DAB1: variants seen among roughly 807,000 people sequenced by gnomAD.
DAB1 encodes disabled homolog 1.
A neutral mutation model predicts 64.6 loss-of-function variants in DAB1; 15 were observed. The observed-to-expected ratio is 0.23, with a 90% CI of 0.16 to 0.36. The LOEUF is 0.36. Ranked by LOEUF, DAB1 falls within the 10% of genes least tolerant of loss-of-function variation. The pLI is 1.00. For synonymous variants in DAB1, 235 were observed against 251.9 expected (o/e 0.93, Z 0.64); for missense variants, 596 against 706.7 (o/e 0.84, Z 1.78).
At chr1:57,696,282 A>T (rs1646844320) in intron 6 of DAB1, among the ~76,000 whole-genome samples, 1 of 152,086 alleles carries the variant, frequency 6.6e-6, no homozygotes, top group Non-Finnish European at 1.5e-5. Context: ...CTGAGATGGA[A>T]ATCTGCAAGC....
intron 6 of DAB1, among the ~76,000 whole-genome samples, chr1:57,755,651 G>A (rs938699774): frequency 7.9e-5 from 12 of 152,088 alleles, no homozygotes; most frequent in African/African-American, 2.4e-4. Flanking sequence ...CAGGTCTTAC[G>A]GATCAACTTC....
At chr1:58,399,794 G>A (rs1417296772) in intron 3 of DAB1, among the ~76,000 whole-genome samples, 1 of 152,142 alleles carries the variant, frequency 6.6e-6, no homozygotes, top group Non-Finnish European at 1.5e-5. Context: ...GGGAAATGGA[G>A]GCTCAAAGTG....
chr1:57,176,974 A>T (rs1297637173), intron 2 of DAB1, among the ~76,000 whole-genome samples: 1 of 109,790 alleles, frequency 9.1e-6, no homozygotes, highest in Non-Finnish European at 1.7e-5. Flanking sequence ...AGCAGATATA[A>T]AAAAAAAAAA....
chr1:57,393,920 G>C (rs1203841127), intron 1 of DAB1, among the ~76,000 whole-genome samples: 1 of 152,092 alleles, frequency 6.6e-6, no homozygotes, highest in East Asian at 1.9e-4. Context: ...ATGACTGAAG[G>C]CTATAGGGCA....
intron 6 of DAB1, among the ~76,000 whole-genome samples, chr1:57,766,463 C>A (rs1333405232): frequency 6.6e-6 from 1 of 152,114 alleles, no homozygotes; most frequent in African/African-American, 2.4e-5. Flanking sequence ...TCACTGGTCC[C>A]CCTCTGTCCC....
intron 7 of DAB1, among the ~76,000 whole-genome samples, chr1:57,603,708 C>T (rs1052891855): frequency 1.3e-5 from 2 of 152,180 alleles, no homozygotes; most frequent in African/African-American, 2.4e-5. Flanking sequence ...ACACAAGAGG[C>T]TCGAAGCAAA....
chr1:58,177,549 T>C (rs1656551655), intron 4 of DAB1, among the ~76,000 whole-genome samples: 1 of 152,154 alleles, frequency 6.6e-6, no homozygotes, highest in South Asian at 2.1e-4. Flanking sequence ...TGCTTGCTGT[T>C]AGGAGAGAGT....
intron 4 of DAB1, among the ~76,000 whole-genome samples, chr1:58,232,388 G>A (rs1659818613): frequency 6.6e-6 from 1 of 151,934 alleles, no homozygotes; most frequent in Non-Finnish European, 1.5e-5. Flanking sequence ...ACACATCTCA[G>A]AGCTGAGTAG....
intron 6 of DAB1, among the ~76,000 whole-genome samples, chr1:57,737,552 G>A (rs1184954343): frequency 6.6e-6 from 1 of 152,144 alleles, no homozygotes; most frequent in Admixed American, 6.5e-5. Flanking sequence ...GGAAAATGAC[G>A]GGCACGTACT....
chr1:57,150,347 C>T (rs1366856239), intron 2 of DAB1, among the ~76,000 whole-genome samples: 1 of 152,222 alleles, frequency 6.6e-6, no homozygotes, highest in African/African-American at 2.4e-5. Flanking sequence ...ACTGTTGTTA[C>T]TAGCATCCCT....
At chr1:57,244,116 C>T (rs537153610) in intron 2 of DAB1, among the ~76,000 whole-genome samples, 92 of 152,306 alleles carry the variant, frequency 6.0e-4, no homozygotes, top group Admixed American at 9.1e-4. Flanking sequence ...TCTCTCTTAA[C>T]TACTCTCTGG....
intron 4 of DAB1, among the ~76,000 whole-genome samples, chr1:58,314,014 C>A (rs946128812): frequency 8.5e-5 from 13 of 152,082 alleles, no homozygotes; most frequent in African/African-American, 2.4e-4. Context: ...AGCATGAATT[C>A]TAACCTAATA....
At chr1:58,530,169 C>T (rs184040738) in intron 1 of DAB1, among the ~76,000 whole-genome samples, 5 of 152,326 alleles carry the variant, frequency 3.3e-5, no homozygotes, top group East Asian at 1.9e-4. Context: ...GCATGAGCCA[C>T]GGCGCCCGGC....
At chr1:58,318,547 A>G (rs552170652) in intron 4 of DAB1, among the ~76,000 whole-genome samples, 1 of 152,340 alleles carries the variant, frequency 6.6e-6, no homozygotes, top group Non-Finnish European at 1.5e-5. Context: ...TGAGACCTGT[A>G]TAGAAGAACA....
In DAB1 at chr1:58,010,903, T is replaced by C. The variant is rs548316542; in HGVS notation, n.388-126741A>G. On this transcript the variant is annotated intron_variant and non_coding_transcript_variant, in intron 5 of 20. Transcript: ENST00000485760. ...CAGTACCAACTGATTGATGCTGACA[T>C]GGGAAAATGAAAACTATTTGCTATC... Among the ~76,000 whole-genome samples the C allele has an allele frequency of 5.3e-5, 8 of 152,380 alleles. No individual in the cohort carries two copies. In the South Asian group the frequency reaches 1.7e-3, roughly 32 times the overall value.
intron 2 of DAB1, among the ~76,000 whole-genome samples, chr1:57,160,114 TG>T (rs1318072502): frequency 6.6e-6 from 1 of 152,248 alleles, no homozygotes; most frequent in Non-Finnish European, 1.5e-5. Context: ...AGTGGGCTTG[TG>T]TCTTTTTCCT....
chr1:57,654,628 T>A (rs1247212843), intron 6 of DAB1, among the ~76,000 whole-genome samples: 1 of 152,252 alleles, frequency 6.6e-6, no homozygotes, highest in Admixed American at 6.5e-5. Flanking sequence ...AAAATTTTAA[T>A]GTAATGAAAT....
At chr1:57,940,524 T>C (rs1645088403) in intron 5 of DAB1, among the ~76,000 whole-genome samples, 1 of 152,220 alleles carries the variant, frequency 6.6e-6, no homozygotes, top group Non-Finnish European at 1.5e-5. Flanking sequence ...TTAAGTCTTC[T>C]AGCCCAATGC....
intron 9 of DAB1, among the ~76,000 whole-genome samples, chr1:57,056,102 A>G (rs1649726679): frequency 6.6e-6 from 1 of 152,172 alleles, no homozygotes; most frequent in Non-Finnish European, 1.5e-5. Flanking sequence ...TCAAATTCAC[A>G]AAGCTAGAAA....
Sources: gnomAD v4.1 joint callset for allele counts (sites outside exome capture counted in the v4.1 genomes callset) on GRCh38, gnomAD v4.1.1 for gene constraint, MANE v1.5 for transcripts, NCBI Gene and HGNC (gene_info 2026-07-23, HGNC 2026-07-21) for gene names.